PAFAH1B1: variants seen among roughly 807,000 people sequenced by gnomAD.
The protein encoded by PAFAH1B1 is platelet-activating factor acetylhydrolase IB subunit beta.
A neutral mutation model predicts 57.5 loss-of-function variants in PAFAH1B1; 2 were observed. That is an observed-to-expected ratio of 0.03 (90% CI 0.01 to 0.11). The LOEUF (loss-of-function observed/expected upper bound fraction) is 0.11. PAFAH1B1 is among the 10% of genes least tolerant of loss of function. The pLI is 1.00. For missense variants in PAFAH1B1, 257 were observed against 512.0 expected, an observed-to-expected ratio of 0.50 and a Z score of 4.81; for synonymous variants, 152 against 169.6, an observed-to-expected ratio of 0.90 and a Z score of 0.81.
intron 1 of PAFAH1B1, among the ~76,000 whole-genome samples, chr17:2,625,991 C>T (rs925509431): frequency 6.6e-6 from 1 of 152,138 alleles, no homozygotes; most frequent in African/African-American, 2.4e-5. Context: ...TGGCTCATGC[C>T]TGTAATTCCA....
Position 2,684,839 on chromosome 17 carries a change from C to T in PAFAH1B1, c.*3037C>T, listed in dbSNP as rs2069449933. 1 of 152,624 alleles carries T rather than the reference C, an allele frequency of 6.6e-6. No individual in the cohort carries two copies. Among genetic ancestry groups the T allele is most frequent in the Non-Finnish European group, 1.5e-5 (1 of 68,046 alleles). The allele number at this position is 152,624 out of a possible 1,614,324, so 9.5% of individuals were successfully genotyped here. A position where few individuals can be genotyped will look rare whatever the true frequency, so the allele number is the denominator to read the frequency against. The stretch of plus-strand genomic sequence containing the variant: ...GCTTTAGATTTACCAAGCCCCGCCT[C>T]CCCGCTGCCAGTGCCCTGCTCTCCC... On this transcript the variant is annotated 3_prime_UTR_variant, in exon 11 of 11. Transcript: ENST00000397195.
intron 1 of PAFAH1B1, among the ~76,000 whole-genome samples, chr17:2,623,820 G>T (rs2068454307): frequency 7.0e-6 from 1 of 142,100 alleles, no homozygotes; most frequent in African/African-American, 2.6e-5. Flanking sequence ...TGTGTTTTTA[G>T]TAGAGATGGG....
At chr17:2,653,503 ACT>A (rs1485407550) in intron 2 of PAFAH1B1, among the ~76,000 whole-genome samples, 1 of 151,940 alleles carries the variant, frequency 6.6e-6, no homozygotes, top group East Asian at 1.9e-4. Flanking sequence ...CTTGTTAGTG[ACT>A]CAGCTTTCAA....
At chr17:2,659,216 A>G (rs928637465) in intron 2 of PAFAH1B1, among the ~76,000 whole-genome samples, 3 of 150,710 alleles carry the variant, frequency 2.0e-5, no homozygotes, top group African/African-American at 7.4e-5. Context: ...GCCACACTGC[A>G]GCCTGGATGA....
intron 1 of PAFAH1B1, among the ~76,000 whole-genome samples, chr17:2,629,475 A>G (rs1393963297): frequency 2.6e-5 from 4 of 151,912 alleles, no homozygotes; most frequent in Non-Finnish European, 4.4e-5. Flanking sequence ...TATAATTTCA[A>G]TTTTCTTAAA....
Position 2,681,710 on chromosome 17 carries a change from C to T in PAFAH1B1, c.1160-19C>T, listed in dbSNP as rs1266218205. ...GGCTTACGTGTGAGTTTTAAATAAA[C>T]CATTTCTTTTTCTTTCAGATTTCCA... On this transcript the variant is annotated intron_variant, in intron 10 of 10. Transcript: ENST00000397195. 1 of 1,599,990 alleles carries T rather than the reference C, an allele frequency of 6.3e-7. No homozygotes were observed. Among genetic ancestry groups the T allele is most frequent in the Admixed American group, 1.7e-5 (1 of 59,860 alleles).
At chr17:2,600,544 T>C (rs1324355124) in intron 1 of PAFAH1B1, among the ~76,000 whole-genome samples, 2 of 116,758 alleles carry the variant, frequency 1.7e-5, no homozygotes, top group African/African-American at 6.9e-5. Context: ...CGCTCCAGCC[T>C]GGGCAACAAG....
chr17:2,649,889 C>T (rs1428589797), intron 2 of PAFAH1B1, among the ~76,000 whole-genome samples: 1 of 152,172 alleles, frequency 6.6e-6, no homozygotes, highest in Non-Finnish European at 1.5e-5. Context: ...AGTTCAAAGA[C>T]ATGCCCATTT....
At chr17:2,638,372 A>G (rs571653618) in intron 2 of PAFAH1B1, 52 bp downstream of exon 2, 1 of 1,452,672 alleles carries the variant, frequency 6.9e-7, no homozygotes, top group South Asian at 1.1e-5. Flanking sequence ...TGAGAGAGAA[A>G]GTAGTAAATT....
At chr17:2,657,854 A>C (rs2068958076) in intron 2 of PAFAH1B1, among the ~76,000 whole-genome samples, 1 of 152,214 alleles carries the variant, frequency 6.6e-6, no homozygotes, top group Admixed American at 6.5e-5. Context: ...GGAAATAACA[A>C]GCACTCATCC....
At chr17:2,649,214 CAAAA>C (rs566280217) in intron 2 of PAFAH1B1, among the ~76,000 whole-genome samples, 7 of 65,772 alleles carry the variant, frequency 1.1e-4, no homozygotes, top group South Asian at 4.2e-4. Flanking sequence ...AAGACTGTCT[CAAAA>C]AAAAAAAAAA....
At chr17:2,650,156 G>GT (rs2068829133) in intron 2 of PAFAH1B1, among the ~76,000 whole-genome samples, 1 of 152,164 alleles carries the variant, frequency 6.6e-6, no homozygotes, top group African/African-American at 2.4e-5. Flanking sequence ...AGGCCAAGGA[G>GT]TTTGAGATCG....
At position 2,666,979 on chromosome 17, in the gene PAFAH1B1, G is replaced by A. The variant is rs1042035604; in HGVS notation, c.193-13G>A. ...GAAATCTATCTGTACGTAACTACAT[G>A]TTCTTTTTCAAGGTTATGGAATTAG... On this transcript the variant is annotated splice_polypyrimidine_tract_variant and intron_variant, in intron 4 of 10. Transcript: ENST00000397195. 2.5e-6 allele frequency: 4 copies of A among 1,592,288 alleles called. No homozygotes were observed. The African/African-American group carries it at 4.0e-5, about 16-fold the overall frequency.
At chr17:2,663,559 C>T (rs899149926) in intron 2 of PAFAH1B1, among the ~76,000 whole-genome samples, 1 of 50,928 alleles carries the variant, frequency 2.0e-5, no homozygotes, top group African/African-American at 7.6e-5. Flanking sequence ...TGCTGAGGTT[C>T]TTCAGTCTTT....
At chr17:2,613,317 G>A (rs997899276) in intron 1 of PAFAH1B1, 5 of 225,694 alleles carry the variant, frequency 2.2e-5, no homozygotes. Flanking sequence ...GGCCCTGGAA[G>A]CAGAGCCAAG....
chr17:2,593,296 G>A (rs1248762206), upstream of PAFAH1B1: 1 of 152,200 alleles, frequency 6.6e-6, no homozygotes, highest in African/African-American at 2.4e-5. Context: ...GGGACGCCGC[G>A]GTCGGCCGCA....
rs747896060 is a variant in PAFAH1B1 at position 2,680,264 on chromosome 17, A to G, written c.1103A>G (p.Lys368Arg). Residue 368 changes from lysine to arginine, a missense_variant, in exon 10 of 11, where the codon AAG becomes AGG. Lys to Arg is a conservative substitution (Grantham distance 26, BLOSUM62 2). Transcript: ENST00000397195. ...DDKTLRVWDY[K>R]NKRCMKTLNA... The stretch of plus-strand genomic sequence containing the variant: ...AAGACCCTACGCGTATGGGATTACA[A>G]GAACAAGCGATGCATGAAGACCCTC... 9 of 1,614,080 alleles carry G rather than the reference A, an allele frequency of 5.6e-6. No individual in the cohort carries two copies. The highest frequency in any genetic ancestry group is 1.3e-5 in the African/African-American group (1 of 74,948).
At chr17:2,605,762 G>A (rs188954067) in intron 1 of PAFAH1B1, among the ~76,000 whole-genome samples, 3 of 152,000 alleles carry the variant, frequency 2.0e-5, no homozygotes, top group South Asian at 2.1e-4. Flanking sequence ...TTCTTCTAGC[G>A]TATATAAAAT....
chr17:2,664,733 C>A (rs1188932588), intron 2 of PAFAH1B1, among the ~76,000 whole-genome samples: 1 of 149,736 alleles, frequency 6.7e-6, no homozygotes, highest in African/African-American at 2.5e-5. Context: ...TTTTTGGTCC[C>A]GAGCATTTTG....
Sources: gnomAD v4.1 joint callset for allele counts (sites outside exome capture counted in the v4.1 genomes callset) on GRCh38, gnomAD v4.1.1 for gene constraint, MANE v1.5 for transcripts, NCBI Gene and HGNC (gene_info 2026-07-23, HGNC 2026-07-21) for gene names.